The following PHF24 variants were observed in gnomAD, a reference collection of about 807,000 sequenced individuals.
PHF24 encodes the protein Galpha inhibitory interacting protein.
Under a neutral mutation model 42.6 loss-of-function variants are expected in PHF24, and 25 were observed. The observed-to-expected ratio is 0.59, with a 90% CI of 0.43 to 0.82. The LOEUF (loss-of-function observed/expected upper bound fraction) is 0.82, where lower values mean the gene tolerates loss of function less well. Among genes scored for constraint, PHF24 ranks in the 40% least tolerant of loss-of-function variants. PHF24 has a pLI of 0.00. For missense variants in PHF24, 470 were observed against 538.1 expected (o/e 0.87, Z 1.25); for synonymous variants, 185 against 204.8 (o/e 0.90, Z 0.83).
At chr9:34,941,671 T>C in the PHF24 span, among the ~76,000 whole-genome samples, 1 of 152,216 alleles carries the variant, frequency 6.6e-6, no homozygotes. Flanking sequence ...ATTCAGTGTC[T>C]GGTGAGGACC....
At chr9:34,766,332 G>A in the PHF24 span, among the ~76,000 whole-genome samples, 3 of 152,134 alleles carry the variant, frequency 2.0e-5, no homozygotes, top group Non-Finnish European at 2.9e-5. Context: ...TCACTTTCAG[G>A]TACACCAATC....
the PHF24 span, chr9:34,894,917 G>T: frequency 5.0e-6 from 2 of 397,132 alleles, no homozygotes; most frequent in Admixed American, 4.4e-5. Context: ...TTGTCCCTGG[G>T]GGGTACTAGA....
At chr9:34,932,899 A>G in the PHF24 span, among the ~76,000 whole-genome samples, 1 of 151,336 alleles carries the variant, frequency 6.6e-6, no homozygotes, top group Non-Finnish European at 1.5e-5. Context: ...CTCTATCACA[A>G]CCTAACTCCA....
At chr9:34,727,883 C>T in the PHF24 span, 1 of 752,470 alleles carries the variant, frequency 1.3e-6, no homozygotes, top group Non-Finnish European at 2.1e-6. Flanking sequence ...TGGCAACCCT[C>T]TCACCCAGTG....
At chr9:34,877,280 C>CAA in the PHF24 span, among the ~76,000 whole-genome samples, 154 of 114,336 alleles carry the variant, frequency 1.3e-3, 1 homozygote, top group East Asian at 2.1e-3. Flanking sequence ...GACTCTGTCT[C>CAA]AAAAAAAAAA....
At chr9:34,973,539 CT>C (rs1375452355) in intron 3 of PHF24, among the ~76,000 whole-genome samples, 1 of 152,220 alleles carries the variant, frequency 6.6e-6, no homozygotes, top group Non-Finnish European at 1.5e-5. Context: ...CCTTATTGAT[CT>C]GTTGTCCTGC....
At chr9:34,930,797 A>G in the PHF24 span, among the ~76,000 whole-genome samples, 1 of 152,228 alleles carries the variant, frequency 6.6e-6, no homozygotes, top group Non-Finnish European at 1.5e-5. Context: ...AAAAAGCTAA[A>G]TATTGTTCAT....
chr9:34,688,368 C>T, the PHF24 span, among the ~76,000 whole-genome samples: 5 of 152,172 alleles, frequency 3.3e-5, no homozygotes, highest in African/African-American at 4.8e-5. Context: ...TTCTCAAGTA[C>T]GAGGCACTCA....
the PHF24 span, among the ~76,000 whole-genome samples, chr9:34,736,313 A>C: frequency 3.9e-5 from 6 of 152,026 alleles, no homozygotes; most frequent in African/African-American, 1.4e-4. Flanking sequence ...AAAAAGAAAA[A>C]CAACTTTTTT....
At chr9:34,732,025 ATTT>A in the PHF24 span, among the ~76,000 whole-genome samples, 8 of 134,470 alleles carry the variant, frequency 5.9e-5, no homozygotes, top group Admixed American at 7.4e-5. Context: ...TAATTTTTGG[ATTT>A]TTTTTTTTTT....
chr9:34,977,721 C>T, intron 7 of PHF24, 80 bp downstream of exon 7: 1 of 1,235,652 alleles, frequency 8.1e-7, no homozygotes, highest in Non-Finnish European at 1.2e-6. Flanking sequence ...GCATTACCCA[C>T]TCCCACTCCA....
At chr9:34,877,250 C>T in the PHF24 span, among the ~76,000 whole-genome samples, 1 of 145,274 alleles carries the variant, frequency 6.9e-6, no homozygotes, top group African/African-American at 2.6e-5. Flanking sequence ...CACTGCACTC[C>T]AGCCTGAGCA....
chr9:34,731,463 G>C, the PHF24 span, among the ~76,000 whole-genome samples: 2 of 150,990 alleles, frequency 1.3e-5, no homozygotes, highest in Admixed American at 6.6e-5. Context: ...ACCTTTCCCA[G>C]CCTCTGGTAA....
chr9:34,773,850 G>A, the PHF24 span, among the ~76,000 whole-genome samples: 1 of 152,196 alleles, frequency 6.6e-6, no homozygotes, highest in Non-Finnish European at 1.5e-5. Context: ...TCACAGGCAA[G>A]AGGAACCTGA....
chr9:34,710,202 A>C, the PHF24 span: 4 of 683,778 alleles, frequency 5.8e-6, no homozygotes, highest in Non-Finnish European at 9.9e-6. Flanking sequence ...ACTTATCCCC[A>C]CTCCTTTTCC....
the PHF24 span, among the ~76,000 whole-genome samples, chr9:34,845,790 C>T: frequency 7.0e-6 from 1 of 141,920 alleles, no homozygotes; most frequent in African/African-American, 2.6e-5. Flanking sequence ...TGATGTTCCC[C>T]TTCCTGTGTC....
chr9:34,876,998 G>T, the PHF24 span, among the ~76,000 whole-genome samples: 2 of 152,098 alleles, frequency 1.3e-5, no homozygotes, highest in African/African-American at 4.8e-5. Flanking sequence ...ATTCTGACAT[G>T]TGGCCAGGCA....
chr9:34,843,993 A>G, the PHF24 span, among the ~76,000 whole-genome samples: 1 of 152,088 alleles, frequency 6.6e-6, no homozygotes, highest in Non-Finnish European at 1.5e-5. Flanking sequence ...TGATCTGTTC[A>G]GATTTTCTAT....
At chr9:34,949,859 G>A in the PHF24 span, among the ~76,000 whole-genome samples, 5 of 152,038 alleles carry the variant, frequency 3.3e-5, no homozygotes, top group African/African-American at 1.2e-4. Flanking sequence ...GGGGTAGGGG[G>A]AAAGGGGTGG....
Sources: gnomAD v4.1 joint callset for allele counts (sites outside exome capture counted in the v4.1 genomes callset) on GRCh38, gnomAD v4.1.1 for gene constraint, MANE v1.5 for transcripts, NCBI Gene and HGNC (gene_info 2026-07-23, HGNC 2026-07-21) for gene names.